Variants in FIGNL1 observed in about 807,000 individuals in gnomAD.
The protein encoded by FIGNL1 is fidgetin-like protein 1.
A neutral mutation model predicts 28.9 loss-of-function variants in FIGNL1; 11 were observed. The ratio of observed to expected loss-of-function variants is 0.38; its 90% CI spans 0.24 to 0.63. The LOEUF (loss-of-function observed/expected upper bound fraction) is 0.63. Among genes scored for constraint, FIGNL1 ranks in the 20% least tolerant of loss-of-function variants. FIGNL1 has a pLI of 0.57. For missense variants in FIGNL1, 789 were observed against 810.4 expected (o/e 0.97, Z 0.32); for synonymous variants, 295 against 276.5 (o/e 1.07, Z -0.66).
rs185003173 is a variant in FIGNL1, at chr7:50,445,170, T to C, written c.*93A>G. The C allele has an allele frequency of 6.9e-5, 48 of 699,146 alleles. No individual in the cohort carries two copies. Among genetic ancestry groups the C allele is most frequent in the Admixed American group, 3.2e-4 (9 of 28,536 alleles). 43.3% of individuals were successfully genotyped at this position (699,146 alleles called of 1,614,324 possible). ...TTTGAAGTACAGAACTTAGAATATA[T>C]TCTTAAAAATACAATTAACACATCC... On this transcript the variant is annotated 3_prime_UTR_variant, in exon 4 of 4. Coordinates refer to ENST00000433017, the MANE Select transcript of FIGNL1 (RefSeq NM_001287492.4).
In FIGNL1 at chr7:50,446,796, A is replaced by G. The variant is rs768053522; in HGVS notation, c.492T>C (p.Pro164=). Residue 164 remains proline (P), a synonymous_variant, in exon 4 of 4, where the codon CCT becomes CCC. Coordinates refer to ENST00000433017, the MANE Select transcript of FIGNL1 (RefSeq NM_001287492.4). ...TCCGGTCTCGATCATGAGCTGAGTT[A>G]GGTAATGAGTCACTCTCTTGAGAAC... is the stretch of plus-strand genomic sequence containing the variant. The part of the protein sequence containing the change: ...CGSSQESDSL[P]NSAHDRDRTQ... 3.7e-6 allele frequency: 6 copies of G among 1,614,124 alleles called. No homozygotes were observed. Among genetic ancestry groups the G allele is most frequent in the Non-Finnish European group, 5.1e-6 (6 of 1,180,052 alleles).
At position 50,446,813 on chromosome 7, in the gene FIGNL1, C is replaced by A; in HGVS notation, c.475G>T (p.Glu159Ter). ...PKFSVCGSSQ[E>*]SDSLPNSAHD... is the part of the protein sequence containing the mutation. ...GCTGAGTTAGGTAATGAGTCACTCT[C>A]TTGAGAACTACCACAAACACTAAAT... The change falls in exon 4 of 4, where the codon GAG (glutamate) becomes TAG (stop). Residue 159 changes from glutamate to a stop codon, truncating the protein, a stop_gained. Coordinates refer to ENST00000433017, the MANE Select transcript of FIGNL1 (RefSeq NM_001287492.4). LOFTEE classifies it low-confidence loss of function (END_TRUNC). 6.2e-7 allele frequency: 1 copy of A among 1,614,094 alleles called. No homozygotes were observed. The highest frequency in any genetic ancestry group is 8.5e-7 in the Non-Finnish European group (1 of 1,180,034).
At position 50,445,315 on chromosome 7, in the gene FIGNL1, T is replaced by C. The variant is rs781290905; in HGVS notation, c.1973A>G (p.Lys658Arg). ...CCAGTTTTCATAAAGCTCTAAATCT[T>C]TTGGAGAAACACTAGGTCGCACAGT... is the stretch of plus-strand genomic sequence containing the variant. ...FRTVRPSVSP[K>R]DLELYENWNK... The change falls in exon 4 of 4, where the codon AAA becomes AGA. Residue 658 changes from lysine to arginine, a missense_variant. Transcript: ENST00000433017. 1.9e-6 allele frequency: 3 copies of C among 1,594,954 alleles called. No homozygotes were observed. The highest frequency in any genetic ancestry group is 2.6e-6 in the Non-Finnish European group (3 of 1,173,830).
rs780158616 is a variant in FIGNL1 at position 50,446,233 on chromosome 7, T to C, written c.1055A>G (p.Gln352Arg). The C allele has an allele frequency of 6.2e-7, 1 of 1,614,200 alleles. No homozygotes were observed. The highest frequency in any genetic ancestry group is 2.2e-5 in the East Asian group (1 of 44,878). The change falls in exon 4 of 4, where the codon CAG (glutamine) becomes CGG (arginine). Residue 352 changes from glutamine to arginine, a missense_variant. Coordinates refer to ENST00000433017, the MANE Select transcript of FIGNL1 (RefSeq NM_001287492.4). ...PPIPKQDGGE[Q>R]NGGMQCKPYG... ...AGGCTTACATTGCATTCCTCCATTC[T>C]GCTCTCCCCCATCTTGCTTGGGTAT... is the stretch of plus-strand genomic sequence containing the variant.
At position 50,449,690 on chromosome 7, in the gene FIGNL1, GA is replaced by G. The variant is rs1306612988; in HGVS notation, c.-693del. ...TATCATCTGCCAGCAGTGACTGCAG[GA>G]AAATCTCTTAATGTCTTTCTGCCGG... On this transcript the variant is annotated 5_prime_UTR_variant, in exon 2 of 4. Transcript: ENST00000433017. 6.6e-6 allele frequency: 1 copy of G among 152,234 alleles called. No homozygotes were observed. The highest frequency in any genetic ancestry group is 6.5e-5 in the Admixed American group (1 of 15,280). The allele number at this position is 152,234 out of a possible 1,614,324, so 9.4% of individuals were successfully genotyped here.
At position 50,445,176 on chromosome 7, in the gene FIGNL1, A is replaced by T; in HGVS notation, c.*87T>A. The T allele has an allele frequency of 1.3e-6, 1 of 758,002 alleles. No homozygotes were observed. The allele number at this position is 758,002 out of a possible 1,614,324, so 47.0% of individuals were successfully genotyped here. On this transcript the variant is annotated 3_prime_UTR_variant, in exon 4 of 4. Coordinates refer to ENST00000433017, the MANE Select transcript of FIGNL1 (RefSeq NM_001287492.4). Reference sequence around the variant, plus strand: ...GTACAGAACTTAGAATATATTCTTAAAAATACAATTAACACATCCCCAACT... The same window carrying T: ...GTACAGAACTTAGAATATATTCTTATAAATACAATTAACACATCCCCAACT...
At position 50,449,662 on chromosome 7, in the gene FIGNL1, C is replaced by G. The variant is rs955098334; in HGVS notation, c.-664G>C. Reference sequence around the variant, plus strand: ...CAGGCTGCCTGCTTTCAAATCCTGGCTCTATCATCTGCCAGCAGTGACTGC... The same window carrying G: ...CAGGCTGCCTGCTTTCAAATCCTGGGTCTATCATCTGCCAGCAGTGACTGC... On this transcript the variant is annotated 5_prime_UTR_variant, in exon 2 of 4. Transcript: ENST00000433017. The G allele has an allele frequency of 6.6e-6, 1 of 152,260 alleles. No individual in the cohort carries two copies. The highest frequency in any genetic ancestry group is 2.4e-5 in the African/African-American group (1 of 41,460). 9.4% of individuals were successfully genotyped at this position (152,260 alleles called of 1,614,324 possible).
chr7:50,445,133 T>A lies in FIGNL1; in HGVS notation c.*130A>T, dbSNP rs1820395255. On this transcript the variant is annotated 3_prime_UTR_variant, in exon 4 of 4. Coordinates refer to ENST00000433017, the MANE Select transcript of FIGNL1 (RefSeq NM_001287492.4). ...TACACTATGTCAATCAGATGTAAAA[T>A]CTGTGCTATTATTTGAAGTACAGAA... 1 of 566,168 alleles carries A rather than the reference T, an allele frequency of 1.8e-6. No individual in the cohort carries two copies. Among genetic ancestry groups the A allele is most frequent in the Admixed American group, 3.7e-5 (1 of 26,742 alleles). The allele number at this position is 566,168 out of a possible 1,614,324, so 35.1% of individuals were successfully genotyped here. A position where few individuals can be genotyped will look rare whatever the true frequency, so the allele number is the denominator to read the frequency against.
In FIGNL1 at chr7:50,445,867, C is replaced by T. The variant is rs746530770; in HGVS notation, c.1421G>A (p.Trp474Ter). ...GACCATTTTCTCCCCCTCACCTACCCATTTAGAAGTTAAGGATGAAGCAGA... is the reference window on the plus strand; with the variant it reads ...GACCATTTTCTCCCCCTCACCTACCTATTTAGAAGTTAAGGATGAAGCAGA... ...SISASSLTSK[W>*]VGEGEKMVRA... is the part of the protein sequence containing the mutation. The change falls in exon 4 of 4, where the codon TGG (tryptophan) becomes TAG (stop). Residue 474 changes from tryptophan (W) to a stop codon, truncating the protein, a stop_gained. Coordinates refer to ENST00000433017, the MANE Select transcript of FIGNL1 (RefSeq NM_001287492.4). LOFTEE classifies it high-confidence loss of function. 6.2e-7 allele frequency: 1 copy of T among 1,614,148 alleles called. No individual in the cohort carries two copies. The highest frequency in any genetic ancestry group is 2.2e-5 in the East Asian group (1 of 44,890).
Position 50,445,279 on chromosome 7 carries a change from A to G in FIGNL1, c.2009T>C (p.Phe670Ser). Residue 670 changes from phenylalanine (F) to serine (S), a missense_variant, in exon 4 of 4, where the codon TTT becomes TCT. Phe to Ser is a radical substitution (Grantham distance 155, BLOSUM62 -2). Coordinates refer to ENST00000433017, the MANE Select transcript of FIGNL1 (RefSeq NM_001287492.4). The part of the protein sequence containing the change: ...LELYENWNKT[F>S]GCGK Reference sequence around the variant, plus strand: ...GTATCCCACTTACTTTCCACAACCAAAAGTTTTGTTCCAGTTTTCATAAAG... The same window carrying G: ...GTATCCCACTTACTTTCCACAACCAGAAGTTTTGTTCCAGTTTTCATAAAG... 1.3e-6 allele frequency: 2 copies of G among 1,566,134 alleles called. No homozygotes were observed. Among genetic ancestry groups the G allele is most frequent in the South Asian group, 2.4e-5 (2 of 83,034 alleles).
Position 50,446,179 on chromosome 7 carries a change from T to C in FIGNL1, c.1109A>G (p.His370Arg). Reference sequence around the variant, plus strand: ...GTTCTTCAGACGCTCATCAACTGGATGTGCTGGTTCTGTAGGTCCTGCCCC... The same window carrying C: ...GTTCTTCAGACGCTCATCAACTGGACGTGCTGGTTCTGTAGGTCCTGCCCC... ...PYGAGPTEPA[H>R]PVDERLKNLE... The change falls in exon 4 of 4, where the codon CAT (histidine) becomes CGT (arginine). Residue 370 changes from histidine (H) to arginine (R), a missense_variant. Transcript: ENST00000433017. 2 of 1,614,248 alleles carry C rather than the reference T, an allele frequency of 1.2e-6. No homozygotes were observed. Among genetic ancestry groups the C allele is most frequent in the Non-Finnish European group, 8.5e-7 (1 of 1,180,038 alleles).
At chr7:50,448,594 A>T in intron 2 of FIGNL1, 1 of 152,244 alleles carries the variant, frequency 6.6e-6, no homozygotes. Flanking sequence ...TATAGAATTT[A>T]CTTACATATC....
In FIGNL1 at chr7:50,447,090, A is replaced by ATATTTCTCTGCATAT. The variant is rs1821080780; in HGVS notation, c.183_197dup (p.Lys65_Tyr66insTer). On this transcript the variant is annotated stop_gained, in exon 4 of 4. Coordinates refer to ENST00000433017, the MANE Select transcript of FIGNL1 (RefSeq NM_001287492.4). LOFTEE classifies it low-confidence loss of function (END_TRUNC). ...CATTGTCAGAATCAATAATTGCAGA[A>ATATTTCTCTGCATAT]TATTTCTCTGCATATTTTTTGAACA... is the stretch of plus-strand genomic sequence containing the variant. The ATATTTCTCTGCATAT allele has an allele frequency of 6.2e-7, 1 of 1,614,118 alleles. No homozygotes were observed. Among genetic ancestry groups the ATATTTCTCTGCATAT allele is most frequent in the African/African-American group, 1.3e-5 (1 of 74,958 alleles).
In FIGNL1 at chr7:50,444,360, T is replaced by TA. The variant is rs1820250966; in HGVS notation, c.*902dup. 1 of 152,216 alleles carries TA rather than the reference T, an allele frequency of 6.6e-6. No homozygotes were observed. Among genetic ancestry groups the TA allele is most frequent in the Non-Finnish European group, 1.5e-5 (1 of 68,044 alleles). The allele number at this position is 152,216 out of a possible 1,614,324, so 9.4% of individuals were successfully genotyped here. On this transcript the variant is annotated 3_prime_UTR_variant, in exon 4 of 4. Coordinates refer to ENST00000433017, the MANE Select transcript of FIGNL1 (RefSeq NM_001287492.4). ...TTTATGTTAACATGGAAAGTGAAGATACGCTTTGAAGAATAGGCTACAAGA... is the reference window on the plus strand; with the variant it reads ...TTTATGTTAACATGGAAAGTGAAGATAACGCTTTGAAGAATAGGCTACAAGA...
At position 50,447,153 on chromosome 7, in the gene FIGNL1, C is replaced by A. The variant is rs770327131; in HGVS notation, c.135G>T (p.Trp45Cys). 2.5e-6 allele frequency: 4 copies of A among 1,614,046 alleles called. No individual in the cohort carries two copies. The highest frequency in any genetic ancestry group is 3.4e-6 in the Non-Finnish European group (4 of 1,180,050). Residue 45 changes from tryptophan to cysteine, a missense_variant, in exon 4 of 4, where the codon TGG (tryptophan) becomes TGT (cysteine). Coordinates refer to ENST00000433017, the MANE Select transcript of FIGNL1 (RefSeq NM_001287492.4). ...RAQILRIQYA[W>C]ANSEISQVCA... ...AGACCTGGGAAATCTCAGAGTTTGC[C>A]CATGCATACTGAATGCGTAATATCT...
Position 50,444,767 on chromosome 7 carries a change from A to G in FIGNL1, c.*496T>C, listed in dbSNP as rs1231878175. 6.6e-6 allele frequency: 1 copy of G among 152,248 alleles called. No homozygotes were observed. Among genetic ancestry groups the G allele is most frequent in the Admixed American group, 6.5e-5 (1 of 15,288 alleles). 9.4% of individuals were successfully genotyped at this position (152,248 alleles called of 1,614,324 possible). On this transcript the variant is annotated 3_prime_UTR_variant, in exon 4 of 4. Coordinates refer to ENST00000433017, the MANE Select transcript of FIGNL1 (RefSeq NM_001287492.4). Reference sequence around the variant, plus strand: ...TCCTGATAAAAATTAAAAACCATAAAAGAGGTAACAAATTGGCTGAAGAAA... The same window carrying G: ...TCCTGATAAAAATTAAAAACCATAAGAGAGGTAACAAATTGGCTGAAGAAA...
At chr7:50,448,428 T>C (rs1479474492) in intron 2 of FIGNL1, 139 bp from the exon 3 acceptor site, 2 of 152,222 alleles carry the variant, frequency 1.3e-5, no homozygotes, top group Admixed American at 1.3e-4. Flanking sequence ...ACATAATTAT[T>C]AAAAAGTGAA....
At chr7:50,448,448 A>G (rs532274426) in intron 2 of FIGNL1, 159 bp from the exon 3 acceptor site, 8 of 152,384 alleles carry the variant, frequency 5.2e-5, no homozygotes, top group Non-Finnish European at 1.0e-4. Flanking sequence ...AACTGTTACA[A>G]TAAATGAAAT....
rs1406835630 is a variant in FIGNL1, at chr7:50,446,894, GT to G, written c.393del (p.Glu131AspfsTer8). 6.2e-7 allele frequency: 1 copy of G among 1,614,082 alleles called. No individual in the cohort carries two copies. Among genetic ancestry groups the G allele is most frequent in the Non-Finnish European group, 8.5e-7 (1 of 1,180,038 alleles). The part of the protein sequence containing the change: ...AGKKFKDSLL[E>X]PALASVVIHK... ...TGGATTACCACTGATGCAAGAGCAG[GT>G]TCCAACAGAGAGTCTTTGAATTTTT... On this transcript the variant is annotated frameshift_variant, in exon 4 of 4. Transcript: ENST00000433017. LOFTEE classifies it low-confidence loss of function (END_TRUNC).
Sources: gnomAD v4.1 joint callset for allele counts on GRCh38, gnomAD v4.1.1 for gene constraint, MANE v1.5 for transcripts, NCBI Gene and HGNC (gene_info 2026-07-23, HGNC 2026-07-21) for gene names.